The following SCN11A variants were observed in gnomAD, a reference collection of about 807,000 sequenced individuals.
SCN11A encodes the protein sodium channel protein type 11 subunit alpha.
In SCN11A, 122 loss-of-function variants were observed where a neutral mutation model predicts 162.2. The observed-to-expected ratio is 0.75, with a 90% CI of 0.65 to 0.87. The LOEUF (loss-of-function observed/expected upper bound fraction) is 0.87. SCN11A is among the 40% of genes least tolerant of loss of function. SCN11A has a pLI of 0.00. For synonymous variants in SCN11A, 758 were observed against 751.5 expected (o/e 1.01, Z -0.14); for missense variants, 2,015 against 2,181.6 (o/e 0.92, Z 1.52).
chr3:39,043,176 G>A lies in SCN11A; in HGVS notation c.-404+8685C>T, dbSNP rs190947586. 1.3e-4 allele frequency among the ~76,000 whole-genome samples: 20 copies of A among 152,166 alleles called. No individual in the cohort carries two copies. The South Asian group carries it at 1.7e-3, about 13-fold the overall frequency. On this transcript the variant is annotated intron_variant, in intron 1 of 29. Transcript: ENST00000302328. ...AAAAGTCAGACAATAACAAATGTTG[G>A]CGAGGATGTGGAGAAAGGAGAACCC...
chr3:38,872,383 C>A, intron 23 of SCN11A, 89 bp from the exon 24 acceptor site: 1 of 732,210 alleles, frequency 1.4e-6, no homozygotes, highest in South Asian at 1.5e-5. Context: ...AAGCTACAGT[C>A]CATAAACGTG....
At chr3:39,007,820 A>T (rs141895296) in intron 2 of SCN11A, among the ~76,000 whole-genome samples, 2,133 of 152,328 alleles carry the variant, frequency 0.014, 17 homozygotes, top group Non-Finnish European at 0.018. Context: ...GTAGCAAATT[A>T]TCAAACCTGA....
chr3:38,908,074 T>C lies in SCN11A; in HGVS notation c.1348A>G (p.Thr450Ala). The C allele has an allele frequency of 6.2e-7, 1 of 1,612,892 alleles. No homozygotes were observed. Among genetic ancestry groups the C allele is most frequent in the East Asian group, 2.2e-5 (1 of 44,852 alleles). Residue 450 changes from threonine to alanine, a missense_variant, in exon 14 of 30, where the codon ACA becomes GCA. By Grantham distance (58) the Thr-to-Ala change is moderately conservative. Coordinates refer to ENST00000302328, the MANE Select transcript of SCN11A (RefSeq NM_001349253.2). The part of the protein sequence containing the change: ...IDRSSLTSLE[T>A]SYFTPKKRKL... ...CTCTTTTTTGGGGTAAAATATGATG[T>C]TTCAAGGGAAGTAAGTGAACTTCTG...
intron 14 of SCN11A, among the ~76,000 whole-genome samples, chr3:38,907,080 C>T (rs1056954870): frequency 6.6e-6 from 1 of 152,012 alleles, no homozygotes; most frequent in African/African-American, 2.4e-5. Context: ...AGCTGACACA[C>T]TGCATCTTCT....
chr3:38,997,144 C>T (rs140358328), intron 2 of SCN11A, among the ~76,000 whole-genome samples: 41 of 152,256 alleles, frequency 2.7e-4, no homozygotes, highest in Non-Finnish European at 4.9e-4. Context: ...CATGGTTCTC[C>T]GTTTCTCTCA....
chr3:38,849,389 C>T (rs1019147962), intron 29 of SCN11A: 9 of 146,930 alleles, frequency 6.1e-5, no homozygotes, highest in African/African-American at 2.0e-4. Context: ...GCTTTATCTA[C>T]ATTAACATCA....
At chr3:39,037,669 T>C (rs2031942062) in intron 1 of SCN11A, among the ~76,000 whole-genome samples, 1 of 152,150 alleles carries the variant, frequency 6.6e-6, no homozygotes, top group Admixed American at 6.6e-5. Context: ...GAGGATGTGC[T>C]TAGGTTATAT....
At chr3:38,895,317 T>C (rs2065578149) in intron 18 of SCN11A, among the ~76,000 whole-genome samples, 1 of 152,164 alleles carries the variant, frequency 6.6e-6, no homozygotes, top group African/African-American at 2.4e-5. Flanking sequence ...GAGCTTTGAT[T>C]TTTGCTGGAA....
In SCN11A at chr3:38,998,188, G is replaced by A. The variant is rs928974349; in HGVS notation, c.-280+34192C>T. Among the ~76,000 whole-genome samples, 4 of 152,082 alleles carry A rather than the reference G, an allele frequency of 2.6e-5. No individual in the cohort carries two copies. The East Asian group carries it at 7.7e-4, about 29-fold the overall frequency. On this transcript the variant is annotated intron_variant, in intron 2 of 29. Coordinates refer to ENST00000302328, the MANE Select transcript of SCN11A (RefSeq NM_001349253.2). ...TGTTTTTCAGAAATATGACTACTAC[G>A]TTAAGGGAAGGAAGAACAAACAGTT...
At chr3:38,910,288 C>G (rs2065869229) in intron 11 of SCN11A, 81 bp from the exon 12 acceptor site, 2 of 1,450,170 alleles carry the variant, frequency 1.4e-6, no homozygotes, top group Middle Eastern at 2.2e-4. Flanking sequence ...TCTGGTTTTT[C>G]CAAGGGCTGT....
At chr3:38,851,339 C>A (rs1448341990) in intron 28 of SCN11A, among the ~76,000 whole-genome samples, 1 of 152,090 alleles carries the variant, frequency 6.6e-6, no homozygotes, top group East Asian at 1.9e-4. Context: ...AGATTATAAT[C>A]CAATAATTAC....
chr3:38,861,692 A>C (rs1482365156), intron 28 of SCN11A, among the ~76,000 whole-genome samples: 1 of 152,182 alleles, frequency 6.6e-6, no homozygotes, highest in Non-Finnish European at 1.5e-5. Context: ...ATTTGCATGT[A>C]GAAGAATGAA....
At position 38,993,723 on chromosome 3, in the gene SCN11A, C is replaced by T. The variant is rs146217117; in HGVS notation, c.-279-33300G>A. On this transcript the variant is annotated intron_variant, in intron 2 of 29. Coordinates refer to ENST00000302328, the MANE Select transcript of SCN11A (RefSeq NM_001349253.2). ...GGCCTGTGTGCAACGGTATCAGCTG[C>T]TGTTTATGCCCTGTCCAATATCCCA... is the stretch of plus-strand genomic sequence containing the variant. Among the ~76,000 whole-genome samples, 59 of 152,330 alleles carry T rather than the reference C, an allele frequency of 3.9e-4. No homozygotes were observed. In the East Asian group the frequency reaches 0.01, roughly 26 times the overall value.
chr3:38,951,294 G>T (rs1316131064), intron 4 of SCN11A, among the ~76,000 whole-genome samples: 1 of 152,236 alleles, frequency 6.6e-6, no homozygotes, highest in African/African-American at 2.4e-5. Context: ...TTGGCACCCG[G>T]GCCAGTGGCT....
chr3:38,937,063 C>T (rs1312864992), intron 7 of SCN11A, among the ~76,000 whole-genome samples: 10 of 152,056 alleles, frequency 6.6e-5, no homozygotes, highest in Non-Finnish European at 1.0e-4. Context: ...TCAGAAACAA[C>T]GCCGCATATC....
At chr3:38,977,477 C>T (rs59953532) in intron 2 of SCN11A, among the ~76,000 whole-genome samples, 3 of 152,112 alleles carry the variant, frequency 2.0e-5, no homozygotes, top group Non-Finnish European at 2.9e-5. Flanking sequence ...GAGGTTGATA[C>T]GGGAATGAAG....
chr3:38,991,427 C>G (rs559018136), intron 2 of SCN11A, among the ~76,000 whole-genome samples: 1 of 152,348 alleles, frequency 6.6e-6, no homozygotes, highest in East Asian at 1.9e-4. Flanking sequence ...CCCACCCTCT[C>G]TTCCTTTGTC....
At chr3:38,996,982 A>C (rs2030665287) in intron 2 of SCN11A, among the ~76,000 whole-genome samples, 1 of 152,168 alleles carries the variant, frequency 6.6e-6, no homozygotes, top group Non-Finnish European at 1.5e-5. Context: ...CTGGGTTTAC[A>C]TGACCATCAG....
chr3:38,961,422 C>T (rs1292202719), intron 2 of SCN11A, among the ~76,000 whole-genome samples: 1 of 152,214 alleles, frequency 6.6e-6, no homozygotes, highest in African/African-American at 2.4e-5. Flanking sequence ...ACTAAGCCAA[C>T]ACCCAGGTCC....
Sources: allele counts gnomAD v4.1 joint callset (sites outside exome capture counted in the v4.1 genomes callset), GRCh38; gene constraint gnomAD v4.1.1; transcripts MANE v1.5; gene names NCBI Gene and HGNC (gene_info 2026-07-23, HGNC 2026-07-21).